The following RHOJ variants were observed in gnomAD, a reference collection of about 807,000 sequenced individuals.
The protein encoded by RHOJ is ras homolog family member J, also known as rho-related GTP-binding protein RhoJ.
A neutral mutation model predicts 23.4 loss-of-function variants in RHOJ; 11 were observed. The observed-to-expected ratio is 0.47, with a 90% CI of 0.30 to 0.78. The LOEUF (loss-of-function observed/expected upper bound fraction) is 0.78. RHOJ is among the 30% of genes least tolerant of loss of function. The pLI, the probability that RHOJ is intolerant of heterozygous loss-of-function variation, is 0.08. For missense variants in RHOJ, 254 were observed against 273.4 expected, an observed-to-expected ratio of 0.93 and a Z score of 0.50; for synonymous variants, 102 against 102.7, an observed-to-expected ratio of 0.99 and a Z score of 0.04.
At chr14:63,225,069 A>G (rs1383467173) in intron 1 of RHOJ, among the ~76,000 whole-genome samples, 2 of 149,032 alleles carry the variant, frequency 1.3e-5, no homozygotes, top group Non-Finnish European at 3.0e-5. Flanking sequence ...CTCCTGCCTC[A>G]GCCTCCCGAG....
At chr14:63,280,406 G>A (rs1166283492) in intron 2 of RHOJ, among the ~76,000 whole-genome samples, 1 of 152,140 alleles carries the variant, frequency 6.6e-6, no homozygotes, top group Non-Finnish European at 1.5e-5. Context: ...GGGAGGTTTT[G>A]ATCAAGGGTA....
intron 2 of RHOJ, among the ~76,000 whole-genome samples, chr14:63,280,095 CTCACTGCAGCT>C (rs1881850093): frequency 6.6e-6 from 1 of 152,142 alleles, no homozygotes; most frequent in Admixed American, 6.5e-5. Context: ...ATGATCACGG[CTCACTGCAGCT>C]TCAAACTCCC....
intron 1 of RHOJ, among the ~76,000 whole-genome samples, chr14:63,209,485 A>G (rs565274706): frequency 8.6e-6 from 1 of 115,978 alleles, no homozygotes; most frequent in African/African-American, 2.5e-5. Flanking sequence ...GTCTCATACT[A>G]TTCCGCTAGA....
chr14:63,290,837 TC>T (rs1323503807), intron 4 of RHOJ, 40 bp from the exon 5 acceptor site: 1 of 1,567,198 alleles, frequency 6.4e-7, no homozygotes, highest in South Asian at 1.2e-5. Flanking sequence ...TGCTTTTCTC[TC>T]TTTTTTATCT....
intron 3 of RHOJ, among the ~76,000 whole-genome samples, chr14:63,282,520 A>G (rs1343416343): frequency 6.6e-6 from 1 of 152,176 alleles, no homozygotes; most frequent in Non-Finnish European, 1.5e-5. Context: ...GCTATCTTCA[A>G]AGTTCTACCT....
chr14:63,221,378 C>T (rs900024760), intron 1 of RHOJ, among the ~76,000 whole-genome samples: 3 of 152,120 alleles, frequency 2.0e-5, no homozygotes, highest in Non-Finnish European at 4.4e-5. Context: ...CCAGGCTCTT[C>T]CTTCTAACAA....
In RHOJ at chr14:63,269,167, A is replaced by G; in HGVS notation, c.236A>G (p.Gln79Arg). 1 of 1,610,634 alleles carries G rather than the reference A, an allele frequency of 6.2e-7. No individual in the cohort carries two copies. The highest frequency in any genetic ancestry group is 8.5e-7 in the Non-Finnish European group (1 of 1,176,956). ...CTCGGACTGTATGACACCGCGGGAC[A>G]GGTACATTTTTATTATCTTGATTCA... is the stretch of plus-strand genomic sequence containing the variant. ...HLLGLYDTAG[Q>R]EDYNQLRPLS... Residue 79 changes from glutamine (Q) to arginine (R), a missense_variant and splice_region_variant, in exon 2 of 5, where the codon CAG becomes CGG. By Grantham distance (43) the Gln-to-Arg change is conservative. Coordinates refer to ENST00000316754, the MANE Select transcript of RHOJ (RefSeq NM_020663.5).
At chr14:63,248,667 A>T (rs1895017958) in intron 1 of RHOJ, among the ~76,000 whole-genome samples, 1 of 152,198 alleles carries the variant, frequency 6.6e-6, no homozygotes, top group South Asian at 2.1e-4. Context: ...TTATTTAACA[A>T]ACATTTATTG....
chr14:63,245,033 A>G (rs1055184168), intron 1 of RHOJ, among the ~76,000 whole-genome samples: 2 of 152,228 alleles, frequency 1.3e-5, no homozygotes, highest in African/African-American at 4.8e-5. Context: ...CTTGCTGGCT[A>G]TATGACCCTC....
chr14:63,229,132 G>A (rs985105376), intron 1 of RHOJ, among the ~76,000 whole-genome samples: 1 of 152,200 alleles, frequency 6.6e-6, no homozygotes, highest in African/African-American at 2.4e-5. Context: ...TAGGAAATAA[G>A]TTGTTTCCTT....
At chr14:63,206,549 A>G (rs1162914041) in intron 1 of RHOJ, among the ~76,000 whole-genome samples, 1 of 152,220 alleles carries the variant, frequency 6.6e-6, no homozygotes, top group Non-Finnish European at 1.5e-5. Context: ...AAAAACTTTT[A>G]AATCAAAGGC....
chr14:63,249,124 G>A (rs967846581), intron 1 of RHOJ, among the ~76,000 whole-genome samples: 2 of 152,200 alleles, frequency 1.3e-5, no homozygotes, highest in Admixed American at 1.3e-4. Flanking sequence ...GAAGCTCAGG[G>A]CACTTCTAGG....
At position 63,271,432 on chromosome 14, in the gene RHOJ, T is replaced by A. The variant is rs74061907; in HGVS notation, c.237+2264T>A. The stretch of plus-strand genomic sequence containing the variant: ...AATGGGAATGTGTTACACTACAGGA[T>A]AACTTGTAATTCATTTTCTAGAACA... On this transcript the variant is annotated intron_variant, in intron 2 of 4. Transcript: ENST00000316754. Among the ~76,000 whole-genome samples the A allele has an allele frequency of 5.4e-3, 820 of 152,340 alleles. 12 individuals carry two copies. Among genetic ancestry groups the A allele is most frequent in the African/African-American group, 0.019 (805 of 41,568 alleles).
chr14:63,279,273 T>C (rs1047037712), intron 2 of RHOJ, among the ~76,000 whole-genome samples: 30 of 152,354 alleles, frequency 2.0e-4, no homozygotes, highest in Non-Finnish European at 3.4e-4. Context: ...CATATAAGTT[T>C]AGTTGCACAT....
At chr14:63,256,092 G>T (rs1895160314) in intron 1 of RHOJ, among the ~76,000 whole-genome samples, 1 of 151,982 alleles carries the variant, frequency 6.6e-6, no homozygotes, top group African/African-American at 2.4e-5. Flanking sequence ...CTTGCTAGTT[G>T]CCCAGGCTCT....
intron 1 of RHOJ, among the ~76,000 whole-genome samples, chr14:63,223,517 GT>G (rs1421483662): frequency 6.6e-6 from 1 of 152,136 alleles, no homozygotes; most frequent in Non-Finnish European, 1.5e-5. Context: ...TATCTGCAGA[GT>G]TTCATGGGAA....
intron 1 of RHOJ, among the ~76,000 whole-genome samples, chr14:63,237,039 A>G (rs1429167195): frequency 6.6e-6 from 1 of 152,194 alleles, no homozygotes. Context: ...GTACAGATGC[A>G]ATTGTCCCTT....
At chr14:63,249,243 C>G (rs1331846643) in intron 1 of RHOJ, among the ~76,000 whole-genome samples, 1 of 152,196 alleles carries the variant, frequency 6.6e-6, no homozygotes, top group Non-Finnish European at 1.5e-5. Flanking sequence ...ATAATGGGAA[C>G]TCACCAACCC....
At chr14:63,215,546 G>C (rs982506034) in intron 1 of RHOJ, among the ~76,000 whole-genome samples, 2 of 152,264 alleles carry the variant, frequency 1.3e-5, no homozygotes, top group Non-Finnish European at 2.9e-5. Flanking sequence ...TGTTGCCTTT[G>C]TTATCTTGCT....
Sources: gnomAD v4.1 joint callset for allele counts (sites outside exome capture counted in the v4.1 genomes callset) on GRCh38, gnomAD v4.1.1 for gene constraint, MANE v1.5 for transcripts, NCBI Gene and HGNC (gene_info 2026-07-23, HGNC 2026-07-21) for gene names.